SYT16: variants seen among roughly 807,000 people sequenced by gnomAD.
The protein encoded by SYT16 is synaptotagmin 16, also known as synaptotagmin-16.
SYT16 carries 42 observed loss-of-function variants against 61.4 expected under a neutral mutation model. That is an observed-to-expected ratio of 0.68 (90% confidence interval 0.53 to 0.89). SYT16 has a LOEUF of 0.89. Ranked by LOEUF, SYT16 falls within the 40% of genes least tolerant of loss-of-function variation. The pLI is 0.00. For missense variants in SYT16, 804 were observed against 807.3 expected (o/e 1.00, Z 0.05); for synonymous variants, 314 against 302.3 (o/e 1.04, Z -0.40).
At chr14:61,845,348 G>T (rs1322405479) in intron 1 of SYT16, among the ~76,000 whole-genome samples, 1 of 152,014 alleles carries the variant, frequency 6.6e-6, no homozygotes, top group Non-Finnish European at 1.5e-5. Flanking sequence ...TGCCCAGCCT[G>T]GGAGACTTTT....
At chr14:62,042,140 A>T (rs1252532927) in intron 3 of SYT16, among the ~76,000 whole-genome samples, 1 of 151,890 alleles carries the variant, frequency 6.6e-6, no homozygotes, top group African/African-American at 2.4e-5. Context: ...TGGGTATATT[A>T]TCTTTTCTGC....
rs143348692 is a variant in SYT16, at chr14:61,943,515, A to G, written c.-324-26617A>G. Among the ~76,000 whole-genome samples the G allele has an allele frequency of 6.6e-5, 10 of 152,350 alleles. 1 individual carries two copies. The East Asian group carries it at 1.9e-3, about 29-fold the overall frequency. ...ATTTGCAAATCGAATCCAGCAGCAC[A>G]TCAAAAAGCGTATCCACCACGATCA... On this transcript the variant is annotated intron_variant, in intron 1 of 7. Coordinates refer to ENST00000683842, the MANE Select transcript of SYT16 (RefSeq NM_001367656.1).
intron 6 of SYT16, among the ~76,000 whole-genome samples, chr14:62,082,299 A>G (rs139692306): frequency 3.9e-5 from 6 of 152,254 alleles, no homozygotes; most frequent in Non-Finnish European, 5.9e-5. Context: ...TAAATGTCCA[A>G]TGATGTCTCA....
intron 1 of SYT16, among the ~76,000 whole-genome samples, chr14:61,939,197 A>G (rs1346926257): frequency 6.6e-6 from 1 of 152,182 alleles, no homozygotes; most frequent in East Asian, 1.9e-4. Context: ...GTGTCTGGGA[A>G]CTTTGCTATA....
intron 1 of SYT16, among the ~76,000 whole-genome samples, chr14:61,905,654 T>G (rs1437011251): frequency 6.6e-6 from 1 of 152,072 alleles, no homozygotes; most frequent in Non-Finnish European, 1.5e-5. Flanking sequence ...TCTTTGGAAG[T>G]CAAGGGTTGA....
Position 61,970,244 on chromosome 14 carries a change from TC to T in SYT16, c.-210del, listed in dbSNP as rs1332244907. On this transcript the variant is annotated 5_prime_UTR_variant, in exon 2 of 8. An upstream open reading frame in the 5' UTR loses its in-frame stop. Transcript: ENST00000683842. ...TGTGTTTTGAAACGATAGGAGGCCT[TC>T]CTTTCCTGGAGCATCGAGGGAAAAG... is the stretch of plus-strand genomic sequence containing the variant. 2 of 152,184 alleles carry T rather than the reference TC, an allele frequency of 1.3e-5. No individual in the cohort carries two copies. Among genetic ancestry groups the T allele is most frequent in the Non-Finnish European group, 2.9e-5 (2 of 68,054 alleles). 9.4% of individuals were successfully genotyped at this position (152,184 alleles called of 1,614,324 possible).
intron 3 of SYT16, among the ~76,000 whole-genome samples, chr14:62,053,051 G>T (rs1291438893): frequency 3.3e-5 from 5 of 152,278 alleles, no homozygotes; most frequent in Non-Finnish European, 5.9e-5. Flanking sequence ...GGGTTTTGAA[G>T]TACATGCTAG....
chr14:62,077,742 A>G (rs2056547018), intron 5 of SYT16: 1 of 152,170 alleles, frequency 6.6e-6, no homozygotes, highest in South Asian at 2.1e-4. Context: ...CTTTTTCTCA[A>G]ATCAACCCAG....
intron 3 of SYT16, among the ~76,000 whole-genome samples, chr14:61,998,188 T>C (rs985496637): frequency 6.6e-6 from 1 of 151,986 alleles, no homozygotes; most frequent in African/African-American, 2.4e-5. Flanking sequence ...CATACACATA[T>C]TCTTTTTTTT....
chr14:61,908,453 A>G (rs144197689), intron 1 of SYT16, among the ~76,000 whole-genome samples: 1 of 152,200 alleles, frequency 6.6e-6, no homozygotes, highest in South Asian at 2.1e-4. Flanking sequence ...GTTTCATAAG[A>G]TGAGAAAACA....
At chr14:62,012,123 T>C (rs2053493531) in intron 3 of SYT16, among the ~76,000 whole-genome samples, 1 of 152,042 alleles carries the variant, frequency 6.6e-6, no homozygotes, top group African/African-American at 2.4e-5. Flanking sequence ...AACACACATT[T>C]ATTATTTCAC....
In SYT16 at chr14:62,101,650, C is replaced by G. The variant is rs1226723328; in HGVS notation, c.*943C>G. On this transcript the variant is annotated 3_prime_UTR_variant, in exon 8 of 8. Coordinates refer to ENST00000683842, the MANE Select transcript of SYT16 (RefSeq NM_001367656.1). ...TTTTTAAACTGAGTATTTTCCATCA[C>G]TAGAGCATAGTAAATTGTACACAGT... The G allele has an allele frequency of 6.6e-6, 1 of 152,146 alleles. No individual in the cohort carries two copies. The highest frequency in any genetic ancestry group is 6.5e-5 in the Admixed American group (1 of 15,278). 9.4% of individuals were successfully genotyped at this position (152,146 alleles called of 1,614,324 possible).
intron 2 of SYT16, among the ~76,000 whole-genome samples, chr14:61,990,779 A>G (rs985247901): frequency 3.9e-5 from 6 of 152,144 alleles, no homozygotes; most frequent in Admixed American, 3.3e-4. Flanking sequence ...AACAACCCTT[A>G]AAGGACTATG....
At chr14:61,927,202 A>G (rs1179756034) in intron 1 of SYT16, among the ~76,000 whole-genome samples, 3 of 152,210 alleles carry the variant, frequency 2.0e-5, no homozygotes, top group Non-Finnish European at 4.4e-5. Flanking sequence ...TCCAGGAAGC[A>G]TGACTTCATC....
chr14:61,888,410 G>T (rs1296421881), intron 1 of SYT16, among the ~76,000 whole-genome samples: 3 of 152,132 alleles, frequency 2.0e-5, no homozygotes, highest in Non-Finnish European at 4.4e-5. Flanking sequence ...GAGCCACCAT[G>T]CCCAGCTTAA....
rs142199894 is a variant in SYT16, at chr14:61,920,895, G to C, written c.-324-49237G>C. ...AGTAGCATGCCTAAATTAAAGAGCA[G>C]TAAGTGGTAGAACCAGGATGTGACC... On this transcript the variant is annotated intron_variant, in intron 1 of 7. Transcript: ENST00000683842. 1.5e-4 allele frequency among the ~76,000 whole-genome samples: 23 copies of C among 152,326 alleles called. No individual in the cohort carries two copies. In the East Asian group the frequency reaches 4.0e-3, roughly 27 times the overall value.
chr14:62,060,599 T>A (rs986023178), intron 3 of SYT16, among the ~76,000 whole-genome samples: 11 of 151,998 alleles, frequency 7.2e-5, no homozygotes, highest in Admixed American at 5.9e-4. Flanking sequence ...TTTTCTTTTT[T>A]ATTGTGTTAA....
intron 3 of SYT16, among the ~76,000 whole-genome samples, chr14:62,049,378 G>A (rs1395738830): frequency 6.6e-6 from 1 of 152,152 alleles, no homozygotes; most frequent in African/African-American, 2.4e-5. Flanking sequence ...GTCTCTGCAT[G>A]TGAGATGGGT....
Position 62,075,170 on chromosome 14 carries a change from A to G in SYT16, c.772A>G (p.Asn258Asp). The G allele has an allele frequency of 6.2e-7, 1 of 1,612,312 alleles. No homozygotes were observed. Among genetic ancestry groups the G allele is most frequent in the East Asian group, 2.2e-5 (1 of 44,862 alleles). ...AGCCAGCCAACGGCGTTATTCTGAG[A>G]ATCTCTCCTACGGTGAAGATGACCA... ...DGASQRRYSE[N>D]LSYGEDDHIP... Residue 258 changes from asparagine to aspartate, a missense_variant, in exon 5 of 8, where the codon AAT (asparagine) becomes GAT (aspartate). Transcript: ENST00000683842.
Sources: gnomAD v4.1 joint callset for allele counts (sites outside exome capture counted in the v4.1 genomes callset) on GRCh38, gnomAD v4.1.1 for gene constraint, MANE v1.5 for transcripts, NCBI Gene and HGNC (gene_info 2026-07-23, HGNC 2026-07-21) for gene names.